The following BCAS3 variants were observed in gnomAD, a reference collection of about 807,000 sequenced individuals.
BCAS3 encodes BCAS4/BCAS3 fusion.
Under a neutral mutation model 116.1 loss-of-function variants are expected in BCAS3, and 53 were observed. The ratio of observed to expected loss-of-function variants is 0.46; its 90% CI spans 0.37 to 0.57. The LOEUF is 0.57. Ranked by LOEUF, BCAS3 falls within the 20% of genes least tolerant of loss-of-function variation. BCAS3 has a pLI of 0.00. For synonymous variants in BCAS3, 391 were observed against 408.2 expected (o/e 0.96, Z 0.51); for missense variants, 917 against 1,165.4 (o/e 0.79, Z 3.10).
chr17:60,999,559 A>AG (rs968007270), intron 15 of BCAS3, among the ~76,000 whole-genome samples: 3 of 150,006 alleles, frequency 2.0e-5, no homozygotes, highest in Admixed American at 6.6e-5. Context: ...AAAAAAAAAA[A>AG]AAAAAGAAAA....
intron 22 of BCAS3, among the ~76,000 whole-genome samples, chr17:61,179,874 C>T (rs199650352): frequency 1.3e-4 from 16 of 124,488 alleles, no homozygotes; most frequent in African/African-American, 1.8e-4. Context: ...CTCTCTCTCT[C>T]TTTTTTTTTT....
Position 61,162,121 on chromosome 17 carries a change from G to A in BCAS3, c.2425+77557G>A, listed in dbSNP as rs1031227950. On this transcript the variant is annotated intron_variant, in intron 22 of 23. Transcript: ENST00000407086. This position sits in a 1 kb window ranked among gnomAD's most constrained non-coding sequence, Gnocchi z 5.6. ...TTTTACTACCCCAAATGAAATGTACGTATCCTGGTCCTGCACCATGTTTTT... is the reference window on the plus strand; with the variant it reads ...TTTTACTACCCCAAATGAAATGTACATATCCTGGTCCTGCACCATGTTTTT... Among the ~76,000 whole-genome samples, 7 of 152,156 alleles carry A rather than the reference G, an allele frequency of 4.6e-5. No individual in the cohort carries two copies. Among genetic ancestry groups the A allele is most frequent in the East Asian group, 1.9e-4 (1 of 5,194 alleles).
intron 22 of BCAS3, among the ~76,000 whole-genome samples, chr17:61,148,613 C>T (rs2077374599): frequency 6.6e-6 from 1 of 152,194 alleles, no homozygotes; most frequent in South Asian, 2.1e-4. Context: ...TACAGGCTAA[C>T]TGAAACAGTT....
At chr17:60,737,890 G>C in intron 5 of BCAS3, among the ~76,000 whole-genome samples, 1 of 152,034 alleles carries the variant, frequency 6.6e-6, no homozygotes. Flanking sequence ...CGGTTCAAGC[G>C]ATTCTCCTGC....
intron 22 of BCAS3, among the ~76,000 whole-genome samples, chr17:61,148,785 C>T (rs893051688): frequency 6.6e-6 from 1 of 152,176 alleles, no homozygotes; most frequent in East Asian, 1.9e-4. Flanking sequence ...GTTGTTATTG[C>T]GCTTCCTCAT....
chr17:61,076,923 A>G (rs2072052203), intron 20 of BCAS3, among the ~76,000 whole-genome samples: 2 of 152,182 alleles, frequency 1.3e-5, no homozygotes. Context: ...TTGGACTCAC[A>G]CAGGGCTACA....
rs112280067 is a variant in BCAS3, at chr17:60,694,647, A to AT, written c.214+4902dup. ...GCGTGAGCCACCATGCATGGTCTTA[A>AT]TTTTTTTTTTTTTTTTGGTAGAGAT... On this transcript the variant is annotated intron_variant, in intron 4 of 23. Coordinates refer to ENST00000407086, the MANE Select transcript of BCAS3 (RefSeq NM_017679.5). 2.4e-3 allele frequency among the ~76,000 whole-genome samples: 341 copies of AT among 142,578 alleles called. No individual in the cohort carries two copies. In the Middle Eastern group the frequency reaches 0.033, roughly 14 times the overall value. The allele number at this position is 142,578 out of a possible 152,430, so 93.5% of individuals were successfully genotyped here. A position where few individuals can be genotyped will look rare whatever the true frequency, so the allele number is the denominator to read the frequency against.
At chr17:60,876,731 T>C (rs1029561804) in intron 9 of BCAS3, among the ~76,000 whole-genome samples, 1 of 152,144 alleles carries the variant, frequency 6.6e-6, no homozygotes, top group African/African-American at 2.4e-5. Context: ...TAGTATGTCA[T>C]CTCTGCCTCT....
At position 61,390,405 on chromosome 17, in the gene BCAS3, A is replaced by G. The variant is rs537085786; in HGVS notation, c.2594-1572A>G. The G allele has an allele frequency of 7.9e-5, 12 of 152,034 alleles. No homozygotes were observed. The East Asian group carries it at 2.1e-3, about 27-fold the overall frequency. The allele number at this position is 152,034 out of a possible 1,614,324, so 9.4% of individuals were successfully genotyped here. On this transcript the variant is annotated intron_variant, in intron 23 of 23. Coordinates refer to ENST00000407086, the MANE Select transcript of BCAS3 (RefSeq NM_017679.5). This position sits in a 1 kb window ranked among gnomAD's most constrained non-coding sequence, Gnocchi z 6.8. ...TAGCTCTTGACTTTCCCAGGCAGCC[A>G]ATGTCCCCTGGAGGTCAGGGACCAT...
rs34499099 is a variant in BCAS3, at chr17:61,223,151, C to CTTTTTT, written c.2425+138606_2425+138611dup. On this transcript the variant is annotated intron_variant, in intron 22 of 23. Coordinates refer to ENST00000407086, the MANE Select transcript of BCAS3 (RefSeq NM_017679.5). ...TTCAATATGTGACAGGATGCAGCGC[C>CTTTTTT]TTTTTTTTTTTTTTTTTTTTTTTTG... Among the ~76,000 whole-genome samples the CTTTTTT allele has an allele frequency of 1.2e-3, 93 of 79,058 alleles. 2 individuals carry two copies. The highest frequency in any genetic ancestry group is 1.6e-3 in the African/African-American group (30 of 19,026). 51.9% of individuals were successfully genotyped at this position (79,058 alleles called of 152,430 possible).
At position 61,380,370 on chromosome 17, in the gene BCAS3, A is replaced by T. The variant is rs1157046805; in HGVS notation, c.2594-11607A>T. The T allele has an allele frequency of 8.1e-6, 6 of 740,240 alleles. No homozygotes were observed. Among genetic ancestry groups the T allele is most frequent in the East Asian group, 2.7e-5 (1 of 37,178 alleles). The allele number at this position is 740,240 out of a possible 1,614,324, so 45.9% of individuals were successfully genotyped here. A position where few individuals can be genotyped will look rare whatever the true frequency, so the allele number is the denominator to read the frequency against. On this transcript the variant is annotated intron_variant, in intron 23 of 23. Coordinates refer to ENST00000407086, the MANE Select transcript of BCAS3 (RefSeq NM_017679.5). The surrounding 1 kb of genome is among the most constrained non-coding windows in gnomAD (Gnocchi z 4.2). ...CTAGATGTGCTGTGCCTGGGAACAG[A>T]CCATGAACACCCCCGCAAAGCTCTC... is the stretch of plus-strand genomic sequence containing the variant.
Position 61,224,857 on chromosome 17 carries a change from G to T in BCAS3, c.2425+140293G>T, listed in dbSNP as rs1436605981. 2.6e-5 allele frequency among the ~76,000 whole-genome samples: 4 copies of T among 152,310 alleles called. No individual in the cohort carries two copies. Among genetic ancestry groups the T allele is most frequent in the East Asian group, 3.9e-4 (2 of 5,186 alleles). ...AGCCTAGCCATATTTCAAGTGCTCA[G>T]TAGCCACATGTTGCTAGTGGCTACC... On this transcript the variant is annotated intron_variant, in intron 22 of 23. Coordinates refer to ENST00000407086, the MANE Select transcript of BCAS3 (RefSeq NM_017679.5). The surrounding 1 kb of genome is among the most constrained non-coding windows in gnomAD (Gnocchi z 5.7).
chr17:61,270,545 CT>C (rs1333350974), intron 22 of BCAS3, among the ~76,000 whole-genome samples: 10 of 152,138 alleles, frequency 6.6e-5, no homozygotes, highest in Non-Finnish European at 1.5e-4. Flanking sequence ...ACTTTATAGG[CT>C]GCCTTTTCAC....
Position 61,023,481 on chromosome 17 carries a change from G to A in BCAS3, c.1637+7580G>A, listed in dbSNP as rs953753930. On this transcript the variant is annotated intron_variant, in intron 16 of 23. Transcript: ENST00000407086. This position sits in a 1 kb window ranked among gnomAD's most constrained non-coding sequence, Gnocchi z 4.8. The stretch of plus-strand genomic sequence containing the variant: ...ACTCTGGAGATGATTGAACAGAATT[G>A]TTACTAATACCTTTTAGCACTAGAG... Among the ~76,000 whole-genome samples, 2 of 152,166 alleles carry A rather than the reference G, an allele frequency of 1.3e-5. No homozygotes were observed. The highest frequency in any genetic ancestry group is 2.9e-5 in the Non-Finnish European group (2 of 68,024).
At chr17:61,052,141 ACTCT>A (rs1568231745) in intron 19 of BCAS3, among the ~76,000 whole-genome samples, 1 of 150,670 alleles carries the variant, frequency 6.6e-6, no homozygotes, top group Non-Finnish European at 1.5e-5. Flanking sequence ...TTTTTCTTTC[ACTCT>A]CTCTGTCACT....
chr17:61,222,783 G>T lies in BCAS3; in HGVS notation c.2425+138219G>T, dbSNP rs1369525383. ...GATTCGTCTGCCTGTTGGCTTTTTT[G>T]ATTTTTGCTTTGAAGTTTCCTTTTG... On this transcript the variant is annotated intron_variant, in intron 22 of 23. Transcript: ENST00000407086. This position sits in a 1 kb window ranked among gnomAD's most constrained non-coding sequence, Gnocchi z 6.1. Among the ~76,000 whole-genome samples the T allele has an allele frequency of 1.3e-5, 2 of 152,090 alleles. No homozygotes were observed. Among genetic ancestry groups the T allele is most frequent in the Admixed American group, 6.6e-5 (1 of 15,264 alleles).
At chr17:60,708,158 A>G (rs1353303135) in intron 4 of BCAS3, among the ~76,000 whole-genome samples, 1 of 152,102 alleles carries the variant, frequency 6.6e-6, no homozygotes, top group African/African-American at 2.4e-5. Context: ...CCCTGTCTCT[A>G]CAAACATTTA....
intron 2 of BCAS3, among the ~76,000 whole-genome samples, chr17:60,683,295 C>G (rs79854030): frequency 9.2e-5 from 14 of 152,218 alleles, no homozygotes; most frequent in African/African-American, 3.1e-4. Context: ...TTCTTCTGCT[C>G]TGACTCAAGA....
At position 60,679,447 on chromosome 17, in the gene BCAS3, A is replaced by C. The variant is rs1236758042; in HGVS notation, c.-5-6A>C. 6.2e-7 allele frequency: 1 copy of C among 1,606,626 alleles called. No individual in the cohort carries two copies. The highest frequency in any genetic ancestry group is 1.3e-5 in the African/African-American group (1 of 74,874). The stretch of plus-strand genomic sequence containing the variant: ...TTTTTTGTTTGTTTGTTTGTTCTGG[A>C]AACAGGTTTTATGAATGAAGCTATG... On this transcript the variant is annotated splice_region_variant and splice_polypyrimidine_tract_variant and intron_variant, in intron 1 of 23. Coordinates refer to ENST00000407086, the MANE Select transcript of BCAS3 (RefSeq NM_017679.5).
Sources: allele counts gnomAD v4.1 joint callset (sites outside exome capture counted in the v4.1 genomes callset), GRCh38; gene constraint gnomAD v4.1.1; non-coding constraint Gnocchi (gnomAD v3.1); transcripts MANE v1.5; gene names NCBI Gene and HGNC (gene_info 2026-07-23, HGNC 2026-07-21).